Variants in SATL1 observed in about 807,000 individuals in gnomAD.
SATL1 encodes the protein spermidine/spermine N1-acetyl transferase like 1.
Under a neutral mutation model 51.8 loss-of-function variants are expected in SATL1, and 47 were observed. The observed-to-expected ratio is 0.91, with a 90% confidence interval of 0.72 to 1.16. The LOEUF is 1.16. SATL1 is among the 50% of genes most tolerant of loss of function. The pLI, the probability that SATL1 is intolerant of heterozygous loss-of-function variation, is 0.00. For synonymous variants in SATL1, 176 were observed against 182.4 expected (o/e 0.97, Z 0.28); for missense variants, 520 against 526.4 (o/e 0.99, Z 0.12).
At chrX:85,102,304 A>T (rs1363852438) in intron 4 of SATL1, among the ~76,000 whole-genome samples, 1 of 105,710 alleles carries the variant, frequency 9.5e-6, no homozygotes, top group Non-Finnish European at 1.9e-5. Flanking sequence ...TCATTGTTCA[A>T]TTCCCACCTA....
At chrX:85,103,063 A>G (rs1924938930) in intron 4 of SATL1, among the ~76,000 whole-genome samples, 1 of 111,655 alleles carries the variant, frequency 9.0e-6, no homozygotes, top group African/African-American at 3.3e-5. Flanking sequence ...CAAAATTACT[A>G]TTTAGTTAAC....
intron 6 of SATL1, 152 bp from the exon 7 acceptor site, chrX:85,093,377 C>A: frequency 2.0e-6 from 1 of 506,129 alleles, no homozygotes; most frequent in Non-Finnish European, 3.2e-6. Context: ...GCTTTCATAT[C>A]CCTTTTTCCT....
Position 85,108,055 on chromosome X carries a change from C to T in SATL1, c.914G>A (p.Gly305Asp). The change falls in exon 3 of 8, where the codon GGT becomes GAT. Residue 305 changes from glycine to aspartate, a missense_variant. Gly to Asp is a moderately conservative substitution (Grantham distance 94). Around this residue, in one of 3 missense-constraint regions of SATL1, gnomAD observed 488 missense variants for 474.3 expected, o/e 1.03. Transcript: ENST00000644105. The part of the protein sequence containing the change: ...SMSQAGMRQS[G>D]TNLPDINQPG... The stretch of plus-strand genomic sequence containing the variant: ...TTGGTTTATGTCTGGTAGGTTTGTA[C>T]CTGATTGCCTCATGCCAGCTTGGCT... 3 of 1,211,234 alleles carry T rather than the reference C, an allele frequency of 2.5e-6. No homozygotes were observed. Among genetic ancestry groups the T allele is most frequent in the Admixed American group, 4.3e-5 (2 of 45,980 alleles).
chrX:85,200,966 G>A (rs1445278261), intron 2 of SATL1, among the ~76,000 whole-genome samples: 1 of 111,081 alleles, frequency 9.0e-6, no homozygotes, highest in Non-Finnish European at 1.9e-5. Flanking sequence ...TGAGGAACAT[G>A]AGTCAGATTC....
chrX:85,196,000 A>G (rs1383998315), intron 2 of SATL1, among the ~76,000 whole-genome samples: 1 of 110,018 alleles, frequency 9.1e-6, no homozygotes, highest in Non-Finnish European at 1.9e-5. Context: ...TCTTAATGGA[A>G]GAAACAGAGC....
chrX:85,203,250 C>T (rs747694813), intron 2 of SATL1, among the ~76,000 whole-genome samples: 20 of 111,045 alleles, frequency 1.8e-4, no homozygotes, highest in Non-Finnish European at 3.4e-4. Flanking sequence ...CTTCAGGAAG[C>T]GGCTGGAGAC....
intron 2 of SATL1, among the ~76,000 whole-genome samples, chrX:85,185,377 T>C (rs1017216081): frequency 8.9e-6 from 1 of 112,710 alleles, no homozygotes; most frequent in African/African-American, 3.2e-5. Context: ...AATTAGCAGG[T>C]GGCGAAGCCA....
intron 2 of SATL1, among the ~76,000 whole-genome samples, chrX:85,188,896 G>T (rs1927374945): frequency 9.0e-6 from 1 of 111,218 alleles, no homozygotes; most frequent in Non-Finnish European, 1.9e-5. Flanking sequence ...CTCACTTCTA[G>T]TTCTCATACT....
chrX:85,240,102 T>A (rs1374417805), intron 1 of SATL1, among the ~76,000 whole-genome samples: 1 of 111,689 alleles, frequency 9.0e-6, no homozygotes, highest in Non-Finnish European at 1.9e-5. Flanking sequence ...GTATTTTTTT[T>A]AAACTCTGAA....
intron 2 of SATL1, among the ~76,000 whole-genome samples, chrX:85,154,336 G>A (rs1269848556): frequency 4.5e-5 from 5 of 111,363 alleles, no homozygotes; most frequent in Non-Finnish European, 9.4e-5. Context: ...AATGGAAAGA[G>A]GAATCCAATA....
intron 1 of SATL1, among the ~76,000 whole-genome samples, chrX:85,231,036 C>T (rs1050001624): frequency 8.9e-6 from 1 of 111,741 alleles, no homozygotes; most frequent in Non-Finnish European, 1.9e-5. Flanking sequence ...CCATATGATG[C>T]AGCAACCCCA....
chrX:85,132,461 T>C (rs1185788173), intron 2 of SATL1, among the ~76,000 whole-genome samples: 2 of 111,914 alleles, frequency 1.8e-5, no homozygotes, highest in African/African-American at 6.5e-5. Context: ...AGCTTGTGCA[T>C]GTGTCACATA....
intron 2 of SATL1, among the ~76,000 whole-genome samples, chrX:85,133,719 C>T (rs1184505230): frequency 8.9e-6 from 1 of 111,848 alleles, no homozygotes; most frequent in Non-Finnish European, 1.9e-5. Flanking sequence ...GCAGAAATCA[C>T]CCGTCTTCTG....
chrX:85,096,870 AAAAAG>A (rs1373483282), intron 4 of SATL1, among the ~76,000 whole-genome samples: 1 of 68,669 alleles, frequency 1.5e-5, no homozygotes, highest in African/African-American at 4.5e-5. Context: ...CTCAAAAAAA[AAAAAG>A]AAAGAAACTG....
chrX:85,130,509 T>C (rs1276525071), intron 2 of SATL1, among the ~76,000 whole-genome samples: 5 of 111,814 alleles, frequency 4.5e-5, no homozygotes, highest in Admixed American at 9.5e-5. Context: ...TTATCATTTT[T>C]TATTGCATCT....
At chrX:85,114,614 A>C (rs1344187263) in intron 2 of SATL1, among the ~76,000 whole-genome samples, 1 of 112,572 alleles carries the variant, frequency 8.9e-6, no homozygotes, top group Non-Finnish European at 1.9e-5. Flanking sequence ...ATTGAAAAGG[A>C]AATGTGTTAC....
At chrX:85,153,463 C>G (rs1450969262) in intron 2 of SATL1, among the ~76,000 whole-genome samples, 1 of 111,468 alleles carries the variant, frequency 9.0e-6, no homozygotes, top group East Asian at 2.8e-4. Context: ...GTGGATGAGC[C>G]TTATTTTTCT....
chrX:85,189,246 C>A (rs940646438), intron 2 of SATL1, among the ~76,000 whole-genome samples: 4 of 111,577 alleles, frequency 3.6e-5, no homozygotes, highest in African/African-American at 1.3e-4. Flanking sequence ...AACTCCTGGG[C>A]TCAATTGATC....
At chrX:85,235,003 G>C (rs1211081250) in intron 1 of SATL1, among the ~76,000 whole-genome samples, 1 of 110,784 alleles carries the variant, frequency 9.0e-6, no homozygotes, top group Non-Finnish European at 1.9e-5. Flanking sequence ...GACACACATA[G>C]ACTGAAAATA....
Sources: gnomAD v4.1 joint callset for allele counts (sites outside exome capture counted in the v4.1 genomes callset) on GRCh38, gnomAD v4.1.1 for gene constraint, gnomAD v4.1.1 regional missense constraint, MANE v1.5 for transcripts, NCBI Gene and HGNC (gene_info 2026-07-23, HGNC 2026-07-21) for gene names.